The following HS6ST3 variants were observed in gnomAD, a reference collection of about 807,000 sequenced individuals.
The protein encoded by HS6ST3 is heparan-sulfate 6-O-sulfotransferase 3.
In HS6ST3, 12 loss-of-function variants were observed where a neutral mutation model predicts 36.7. The observed-to-expected ratio is 0.33, with a 90% confidence interval of 0.21 to 0.53. The LOEUF is 0.53. Ranked by LOEUF, HS6ST3 falls within the 20% of genes least tolerant of loss-of-function variation. HS6ST3 has a pLI of 0.95. For synonymous variants in HS6ST3, 240 were observed against 257.5 expected (o/e 0.93, Z 0.65); for missense variants, 584 against 640.9 (o/e 0.91, Z 0.96).
intron 1 of HS6ST3, among the ~76,000 whole-genome samples, chr13:96,577,776 C>CA (rs1445124319): frequency 2.0e-5 from 3 of 152,136 alleles, no homozygotes; most frequent in Admixed American, 6.5e-5. Flanking sequence ...AAATGCAAAT[C>CA]AAAACCACAA....
intron 1 of HS6ST3, among the ~76,000 whole-genome samples, chr13:96,588,434 T>C (rs1248194128): frequency 4.6e-5 from 7 of 152,208 alleles, no homozygotes; most frequent in Non-Finnish European, 7.3e-5. Flanking sequence ...AGAATTTGTG[T>C]CATGAAAGCA....
chr13:96,407,477 G>T (rs765538624), intron 1 of HS6ST3, among the ~76,000 whole-genome samples: 14 of 152,200 alleles, frequency 9.2e-5, no homozygotes, highest in Non-Finnish European at 1.3e-4. Flanking sequence ...AAATGGGCAA[G>T]GCCATGCGAT....
chr13:96,808,489 G>A (rs201541596), intron 1 of HS6ST3, among the ~76,000 whole-genome samples: 2 of 152,152 alleles, frequency 1.3e-5, no homozygotes, highest in African/African-American at 2.4e-5. Flanking sequence ...CTGTTTTATT[G>A]TTTAACTCTG....
chr13:96,385,255 G>C (rs974155871), intron 1 of HS6ST3, among the ~76,000 whole-genome samples: 1 of 150,980 alleles, frequency 6.6e-6, no homozygotes, highest in Admixed American at 6.6e-5. Context: ...TAGCTCCAAA[G>C]AAAGAATATA....
At chr13:96,528,579 G>A (rs529404695) in intron 1 of HS6ST3, among the ~76,000 whole-genome samples, 39 of 152,148 alleles carry the variant, frequency 2.6e-4, no homozygotes, top group Admixed American at 1.4e-3. Context: ...TGTTTAATAC[G>A]TAATATCAAA....
chr13:96,295,847 T>C (rs2054852484), intron 1 of HS6ST3, among the ~76,000 whole-genome samples: 1 of 152,130 alleles, frequency 6.6e-6, no homozygotes. Context: ...GAAGAATGAC[T>C]GTGGTTACAC....
chr13:96,605,140 C>T (rs1314291586), intron 1 of HS6ST3, among the ~76,000 whole-genome samples: 1 of 152,016 alleles, frequency 6.6e-6, no homozygotes, highest in Admixed American at 6.5e-5. Context: ...TGCAAAGGCT[C>T]CACTCCACTT....
intron 1 of HS6ST3, among the ~76,000 whole-genome samples, chr13:96,305,135 A>T (rs1419827234): frequency 1.3e-5 from 2 of 152,212 alleles, no homozygotes; most frequent in Admixed American, 1.3e-4. Context: ...GCCATTGTAT[A>T]CATGGATCTT....
chr13:96,151,132 C>T (rs991366123), intron 1 of HS6ST3, among the ~76,000 whole-genome samples: 1 of 152,214 alleles, frequency 6.6e-6, no homozygotes, highest in East Asian at 1.9e-4. Context: ...CGCTGGGCAC[C>T]AGGGCTCATG....
chr13:96,576,973 A>AG (rs2056324405), intron 1 of HS6ST3, among the ~76,000 whole-genome samples: 1 of 144,968 alleles, frequency 6.9e-6, no homozygotes, highest in Non-Finnish European at 1.5e-5. Context: ...AAAAAAAAAA[A>AG]GTTGCTCTAT....
chr13:96,570,712 C>T (rs1009350324), intron 1 of HS6ST3, among the ~76,000 whole-genome samples: 22 of 152,276 alleles, frequency 1.4e-4, no homozygotes, highest in African/African-American at 3.6e-4. Flanking sequence ...AAGTAAAGTA[C>T]GGGTGACCAA....
intron 1 of HS6ST3, among the ~76,000 whole-genome samples, chr13:96,485,255 G>A (rs558109655): frequency 6.6e-6 from 1 of 152,044 alleles, no homozygotes; most frequent in East Asian, 1.9e-4. Context: ...TTCTTCTTGA[G>A]TTTCTTTCAT....
chr13:96,165,560 G>A (rs1415845042), intron 1 of HS6ST3, among the ~76,000 whole-genome samples: 1 of 152,320 alleles, frequency 6.6e-6, no homozygotes, highest in African/African-American at 2.4e-5. Context: ...CTGCAGAGAT[G>A]TAGTAGCTCT....
At chr13:96,652,429 A>C (rs769111725) in intron 1 of HS6ST3, among the ~76,000 whole-genome samples, 1 of 141,536 alleles carries the variant, frequency 7.1e-6, no homozygotes, top group African/African-American at 2.7e-5. Flanking sequence ...TCTTTCCCTC[A>C]TGTCCTTCCC....
At chr13:96,440,560 A>G (rs528892976) in intron 1 of HS6ST3, among the ~76,000 whole-genome samples, 2 of 152,046 alleles carry the variant, frequency 1.3e-5, no homozygotes, top group South Asian at 4.1e-4. Flanking sequence ...TGGCTTGCAT[A>G]TGCTTTTATC....
intron 1 of HS6ST3, among the ~76,000 whole-genome samples, chr13:96,386,326 A>G (rs1467232493): frequency 6.6e-6 from 1 of 151,810 alleles, no homozygotes; most frequent in Non-Finnish European, 1.5e-5. Flanking sequence ...CAGAATGGAG[A>G]CTCCATTCTG....
intron 1 of HS6ST3, among the ~76,000 whole-genome samples, chr13:96,312,190 T>C (rs979447457): frequency 6.6e-6 from 1 of 152,182 alleles, no homozygotes; most frequent in African/African-American, 2.4e-5. Context: ...CTTAACCCAA[T>C]AGTATCCAGC....
chr13:96,339,348 G>A (rs12583988), intron 1 of HS6ST3, among the ~76,000 whole-genome samples: 54,674 of 151,838 alleles, frequency 0.36, 10,114 homozygotes, highest in African/African-American at 0.42. Flanking sequence ...ACACAGGGAG[G>A]TGGATTTTAC....
chr13:96,816,295 G>C (rs979333664), intron 1 of HS6ST3, among the ~76,000 whole-genome samples: 1 of 152,190 alleles, frequency 6.6e-6, no homozygotes, highest in Admixed American at 6.5e-5. Context: ...ATTAAGAGGG[G>C]CTACTGCTCT....
Sources: allele counts gnomAD v4.1 joint callset (sites outside exome capture counted in the v4.1 genomes callset), GRCh38; gene constraint gnomAD v4.1.1; transcripts MANE v1.5; gene names NCBI Gene and HGNC (gene_info 2026-07-23, HGNC 2026-07-21).